Variants in WDR7 observed in about 807,000 individuals in gnomAD.
WDR7 encodes WD repeat-containing protein 7.
A neutral mutation model predicts 169.4 loss-of-function variants in WDR7; 46 were observed. The observed-to-expected ratio is 0.27, with a 90% CI of 0.21 to 0.35. The LOEUF is 0.35. WDR7 is among the 10% of genes least tolerant of loss of function. The pLI, the probability that WDR7 is intolerant of heterozygous loss-of-function variation, is 1.00. For missense variants in WDR7, 1,534 were observed against 1,859.3 expected (o/e 0.83, Z 3.22); for synonymous variants, 612 against 666.8 (o/e 0.92, Z 1.27).
chr18:56,674,412 C>G (rs992169383), intron 2 of WDR7, among the ~76,000 whole-genome samples: 10 of 152,044 alleles, frequency 6.6e-5, no homozygotes, highest in African/African-American at 2.2e-4. Flanking sequence ...TTCATGTTCT[C>G]ATTGGCCGTT....
At chr18:56,799,875 G>A (rs964212026) in intron 19 of WDR7, among the ~76,000 whole-genome samples, 8 of 152,136 alleles carry the variant, frequency 5.3e-5, no homozygotes, top group African/African-American at 1.9e-4. Flanking sequence ...AAGAGTAATT[G>A]ATCTACTTTT....
At chr18:56,998,196 C>G (rs1599232351) in intron 26 of WDR7, among the ~76,000 whole-genome samples, 1 of 151,968 alleles carries the variant, frequency 6.6e-6, no homozygotes, top group Non-Finnish European at 1.5e-5. Flanking sequence ...CTTAGGTATC[C>G]GTAATTTTTG....
chr18:56,678,549 T>G (rs1004391086), intron 2 of WDR7, among the ~76,000 whole-genome samples: 2 of 151,984 alleles, frequency 1.3e-5, no homozygotes, highest in African/African-American at 4.8e-5. Flanking sequence ...CAAGCTGGAG[T>G]GCAGTGGAGC....
At chr18:56,839,516 T>C (rs1395778559) in intron 20 of WDR7, among the ~76,000 whole-genome samples, 2 of 152,190 alleles carry the variant, frequency 1.3e-5, no homozygotes, top group Non-Finnish European at 2.9e-5. Flanking sequence ...TTACTATTCT[T>C]TAATATTATC....
At chr18:56,974,085 G>T (rs914845533) in intron 26 of WDR7, among the ~76,000 whole-genome samples, 3 of 152,216 alleles carry the variant, frequency 2.0e-5, no homozygotes, top group Middle Eastern at 3.4e-3. Context: ...TTCTGTTTAA[G>T]TGCACTGACA....
intron 20 of WDR7, among the ~76,000 whole-genome samples, chr18:56,834,122 G>T (rs28505978): frequency 6.6e-6 from 1 of 152,078 alleles, no homozygotes; most frequent in African/African-American, 2.4e-5. Context: ...GTTCCCTGCC[G>T]TGTGGCCCTA....
intron 1 of WDR7, among the ~76,000 whole-genome samples, chr18:56,656,137 G>A (rs1488871058): frequency 6.6e-6 from 1 of 152,090 alleles, no homozygotes; most frequent in Non-Finnish European, 1.5e-5. Flanking sequence ...TTGCTGGATG[G>A]TATGGTAAGT....
intron 16 of WDR7, among the ~76,000 whole-genome samples, chr18:56,761,728 A>G (rs2043983858): frequency 6.6e-6 from 1 of 151,800 alleles, no homozygotes; most frequent in East Asian, 1.9e-4. Context: ...ATATATCTAA[A>G]TATTGGATTT....
chr18:56,891,979 A>T (rs1411181999), intron 21 of WDR7, among the ~76,000 whole-genome samples: 12 of 152,106 alleles, frequency 7.9e-5, no homozygotes, highest in Admixed American at 7.9e-4. Context: ...CTTACTTGTA[A>T]ATAATATATG....
chr18:56,792,367 G>A (rs1012115511), intron 19 of WDR7, among the ~76,000 whole-genome samples: 3 of 152,074 alleles, frequency 2.0e-5, no homozygotes, highest in Admixed American at 1.3e-4. Context: ...CCAGGTTATT[G>A]GTTGGGAATT....
At chr18:56,799,133 T>C (rs770266919) in intron 19 of WDR7, among the ~76,000 whole-genome samples, 4 of 152,178 alleles carry the variant, frequency 2.6e-5, no homozygotes, top group Admixed American at 2.0e-4. Context: ...AGAACTATTA[T>C]AGAGATGGTG....
At chr18:56,820,195 A>C (rs2045063700) in intron 20 of WDR7, among the ~76,000 whole-genome samples, 1 of 151,784 alleles carries the variant, frequency 6.6e-6, no homozygotes, top group Non-Finnish European at 1.5e-5. Flanking sequence ...GAAGGGTTTC[A>C]TTCACAAACC....
chr18:56,766,689 C>A (rs2044073648), intron 16 of WDR7, among the ~76,000 whole-genome samples: 1 of 152,182 alleles, frequency 6.6e-6, no homozygotes, highest in African/African-American at 2.4e-5. Context: ...CCATGCCCAG[C>A]TGTCATCCAA....
At chr18:56,932,325 A>G (rs1227430054) in intron 22 of WDR7, among the ~76,000 whole-genome samples, 1 of 152,184 alleles carries the variant, frequency 6.6e-6, no homozygotes, top group Non-Finnish European at 1.5e-5. Context: ...CACTGAACTC[A>G]GTGGGCAATA....
intron 20 of WDR7, among the ~76,000 whole-genome samples, chr18:56,865,285 A>C (rs2045867092): frequency 6.6e-6 from 1 of 152,056 alleles, no homozygotes. Flanking sequence ...TGCAAAGCCT[A>C]TTTCTCAAAG....
At chr18:56,872,249 T>G (rs1021937858) in intron 20 of WDR7, among the ~76,000 whole-genome samples, 1 of 152,194 alleles carries the variant, frequency 6.6e-6, no homozygotes, top group African/African-American at 2.4e-5. Flanking sequence ...AATTTTACCC[T>G]AGCACTGCAC....
chr18:56,909,199 A>C (rs2046521168), intron 21 of WDR7, among the ~76,000 whole-genome samples: 1 of 150,866 alleles, frequency 6.6e-6, no homozygotes, highest in Non-Finnish European at 1.5e-5. Flanking sequence ...GGTCTTACTT[A>C]ATAGCTCTCT....
chr18:56,824,271 CCTT>C (rs1466910559), intron 20 of WDR7, among the ~76,000 whole-genome samples: 2 of 152,120 alleles, frequency 1.3e-5, no homozygotes, highest in Non-Finnish European at 2.9e-5. Flanking sequence ...CTATCTGGAC[CCTT>C]CTTATATAAT....
At chr18:56,682,891 G>A (rs2025377180) in intron 5 of WDR7, 38 bp downstream of exon 5, 2 of 1,577,926 alleles carry the variant, frequency 1.3e-6, no homozygotes, top group East Asian at 2.3e-5. Flanking sequence ...TTAGCACCAT[G>A]ACTTAATGTT....
Sources: gnomAD v4.1 joint callset for allele counts (sites outside exome capture counted in the v4.1 genomes callset) on GRCh38, gnomAD v4.1.1 for gene constraint, MANE v1.5 for transcripts, NCBI Gene and HGNC (gene_info 2026-07-23, HGNC 2026-07-21) for gene names.